The following ADGRA2 variants were observed in gnomAD, a reference collection of about 807,000 sequenced individuals.
ADGRA2 encodes the protein adhesion G protein-coupled receptor A2, also known as G-protein coupled receptor 124.
ADGRA2 carries 61 observed loss-of-function variants against 98.7 expected under a neutral mutation model. That is an observed-to-expected ratio of 0.62 (90% CI 0.50 to 0.76). The LOEUF is 0.76. Among genes scored for constraint, ADGRA2 ranks in the 30% least tolerant of loss-of-function variants. The pLI is 0.00. For synonymous variants in ADGRA2, 858 were observed against 831.5 expected (o/e 1.03, Z -0.55); for missense variants, 1,712 against 1,860.0 (o/e 0.92, Z 1.46).
chr8:37,834,222 G>T lies in ADGRA2; in HGVS notation c.1608+94G>T. 8.5e-7 allele frequency: 1 copy of T among 1,182,472 alleles called. No individual in the cohort carries two copies. Among genetic ancestry groups the T allele is most frequent in the Non-Finnish European group, 1.2e-6 (1 of 847,972 alleles). The allele number at this position is 1,182,472 out of a possible 1,614,324, so 73.2% of individuals were successfully genotyped here. On this transcript the variant is annotated intron_variant, in intron 11 of 18. Coordinates refer to ENST00000412232, the MANE Select transcript of ADGRA2 (RefSeq NM_032777.10). The surrounding 1 kb of genome is among the most constrained non-coding windows in gnomAD (Gnocchi z 4.2). ...ACCTGCCGTGCCCCAGCTAGCAAGA[G>T]CAGCAGACGTGACAAAGTTCTGAGC...
At position 37,835,260 on chromosome 8, in the gene ADGRA2, G is replaced by C; in HGVS notation, c.1695G>C (p.Glu565Asp). Residue 565 changes from glutamate to aspartate, a missense_variant, in exon 12 of 19, where the codon GAG becomes GAC. Physicochemically the swap from Glu to Asp is conservative, Grantham distance 45. Transcript: ENST00000412232. ...CCTGCACAGCCTTCCAGAGGAGGGA[G>C]GGAGGGGTGCCGGGCACACGGCCAG... ...GLTCTAFQRR[E>D]GGVPGTRPGS... The C allele has an allele frequency of 6.2e-7, 1 of 1,613,968 alleles. No homozygotes were observed. Among genetic ancestry groups the C allele is most frequent in the Admixed American group, 1.7e-5 (1 of 60,020 alleles).
chr8:37,817,548 T>C (rs1159897854), intron 2 of ADGRA2, among the ~76,000 whole-genome samples: 1 of 151,462 alleles, frequency 6.6e-6, no homozygotes, highest in African/African-American at 2.4e-5. Flanking sequence ...CTAGAAAAAA[T>C]ATTTTTTTTA....
rs778204254 is a variant in ADGRA2 at position 37,832,995 on chromosome 8, T to C, written c.1098-15T>C. On this transcript the variant is annotated splice_polypyrimidine_tract_variant and intron_variant, in intron 8 of 18. Coordinates refer to ENST00000412232, the MANE Select transcript of ADGRA2 (RefSeq NM_032777.10). ...GAAGCCCGGTTCATCGGCAACTTCC[T>C]GCCTCTCCCCCCAGGTGGCCCCGAA... is the stretch of plus-strand genomic sequence containing the variant. 6 of 1,606,104 alleles carry C rather than the reference T, an allele frequency of 3.7e-6. No individual in the cohort carries two copies. The Admixed American group carries it at 6.7e-5, about 18-fold the overall frequency.
At chr8:37,835,960 G>T (rs986634621) in intron 13 of ADGRA2, among the ~76,000 whole-genome samples, 190 bp downstream of exon 13, 1 of 151,868 alleles carries the variant, frequency 6.6e-6, no homozygotes, top group Non-Finnish European at 1.5e-5. Context: ...GTCTGGAGGA[G>T]AAAAGCCTCA....
chr8:37,818,234 G>T (rs1266141435), intron 2 of ADGRA2, among the ~76,000 whole-genome samples: 1 of 152,126 alleles, frequency 6.6e-6, no homozygotes, highest in Non-Finnish European at 1.5e-5. Flanking sequence ...CCCCTCTCAG[G>T]CTGGCACCTC....
Position 37,797,659 on chromosome 8 carries a change from G to GAACCCA in ADGRA2, c.266+125_266+126insAACCCA. 1 of 967,168 alleles carries GAACCCA rather than the reference G, an allele frequency of 1.0e-6. No homozygotes were observed. Among genetic ancestry groups the GAACCCA allele is most frequent in the Non-Finnish European group, 1.4e-6 (1 of 730,754 alleles). 59.9% of individuals were successfully genotyped at this position (967,168 alleles called of 1,614,324 possible). A position where few individuals can be genotyped will look rare whatever the true frequency, so the allele number is the denominator to read the frequency against. On this transcript the variant is annotated intron_variant, in intron 1 of 18. Transcript: ENST00000412232. The surrounding 1 kb of genome is among the most constrained non-coding windows in gnomAD (Gnocchi z 5.3). ...ACTTCAGAGATTTCTGGACAGGCCT[G>GAACCCA]GGTTCAGGCCCCCAGAGGGGAAGAT...
chr8:37,844,671 G>C lies in ADGRA2; in HGVS notation c.*2316G>C. The stretch of plus-strand genomic sequence containing the variant: ...CCGCTTCGGGGACTTCAACATGCAG[G>C]GTGGCAAGAGAAGGGCAGGACTGGC... On this transcript the variant is annotated 3_prime_UTR_variant, in exon 19 of 19. Transcript: ENST00000412232. 1 of 1,614,092 alleles carries C rather than the reference G, an allele frequency of 6.2e-7. No individual in the cohort carries two copies. Among genetic ancestry groups the C allele is most frequent in the Non-Finnish European group, 8.5e-7 (1 of 1,180,024 alleles).
chr8:37,810,704 G>T (rs2129930381), intron 1 of ADGRA2, among the ~76,000 whole-genome samples: 1 of 152,178 alleles, frequency 6.6e-6, no homozygotes, highest in Admixed American at 6.5e-5. Context: ...TTGCTATGTT[G>T]CCCAGACTGG....
chr8:37,840,333 A>G, intron 17 of ADGRA2, 67 bp downstream of exon 17: 3 of 1,528,414 alleles, frequency 2.0e-6, no homozygotes, highest in Non-Finnish European at 2.7e-6. Context: ...GAAACCTCCC[A>G]AGGTGGGTGA....
chr8:37,835,629 G>A lies in ADGRA2; in HGVS notation c.1909G>A (p.Val637Met). Residue 637 changes from valine (V) to methionine (M), a missense_variant, in exon 13 of 19, where the codon GTG (valine) becomes ATG (methionine). Val to Met is a conservative substitution (Grantham distance 21). Transcript: ENST00000412232. ...SSLPAALAPP[V>M]PPDCTLQLLV... ...CCTTCCGGCTGCCCTGGCTCCCCCG[G>A]TGCCCCCAGACTGCACCCTGCAACT... 6.2e-7 allele frequency: 1 copy of A among 1,613,706 alleles called. No homozygotes were observed. Among genetic ancestry groups the A allele is most frequent in the Non-Finnish European group, 8.5e-7 (1 of 1,179,702 alleles).
chr8:37,824,036 AT>A (rs111928826), intron 2 of ADGRA2, among the ~76,000 whole-genome samples: 40 of 145,966 alleles, frequency 2.7e-4, no homozygotes, highest in South Asian at 2.2e-3. Flanking sequence ...TTAAGATGCA[AT>A]TTTTTTTTTT....
intron 2 of ADGRA2, among the ~76,000 whole-genome samples, chr8:37,816,543 G>C (rs1167791022): frequency 2.0e-5 from 3 of 151,920 alleles, no homozygotes; most frequent in Non-Finnish European, 2.9e-5. Flanking sequence ...AGTAAGCTGA[G>C]ATTGCGCCAC....
intron 1 of ADGRA2, among the ~76,000 whole-genome samples, chr8:37,798,730 C>T (rs1428302870): frequency 6.6e-6 from 1 of 152,258 alleles, no homozygotes; most frequent in Non-Finnish European, 1.5e-5. Context: ...TACAGTAACG[C>T]CTCTGGTTGG....
rs1423153466 is a variant in ADGRA2 at position 37,814,972 on chromosome 8, G to A, written c.338+5G>A. The A allele has an allele frequency of 6.2e-7, 1 of 1,605,686 alleles. No individual in the cohort carries two copies. Among genetic ancestry groups the A allele is most frequent in the Non-Finnish European group, 8.5e-7 (1 of 1,172,410 alleles). On this transcript the variant is annotated splice_donor_5th_base_variant and intron_variant, in intron 2 of 18. Transcript: ENST00000412232. The surrounding 1 kb of genome is among the most constrained non-coding windows in gnomAD (Gnocchi z 4.3). ...ACTGTCACTGCTGGAGAAGCTGTAA[G>A]TGCTGGGGAAGGTGAGGTGGAGGAG...
In ADGRA2 at chr8:37,841,200, G is replaced by A. The variant is rs772508628; in HGVS notation, c.2862G>A (p.Leu954=). The change falls in exon 19 of 19, where the codon CTG becomes CTA. Residue 954 remains leucine, a synonymous_variant. Coordinates refer to ENST00000412232, the MANE Select transcript of ADGRA2 (RefSeq NM_032777.10). The surrounding 1 kb of genome is among the most constrained non-coding windows in gnomAD (Gnocchi z 5.0). Reference sequence around the variant, plus strand: ...CCGGGCTACGCTTACGGGGTCCTCTGGCACAGAACCCCAAGGCGGGCAACA... The same window carrying A: ...CCGGGCTACGCTTACGGGGTCCTCTAGCACAGAACCCCAAGGCGGGCAACA... ...LCAGLRLRGP[L]AQNPKAGNSR... The A allele has an allele frequency of 1.9e-6, 3 of 1,613,556 alleles. No homozygotes were observed. The highest frequency in any genetic ancestry group is 1.6e-4 in the Middle Eastern group (1 of 6,062).
At chr8:37,837,669 G>C in intron 13 of ADGRA2, 62 bp from the exon 14 acceptor site, 1 of 1,399,216 alleles carries the variant, frequency 7.1e-7, no homozygotes, top group African/African-American at 1.4e-5. Flanking sequence ...GCTGAGTCCC[G>C]GCTGAGCCCA....
In ADGRA2 at chr8:37,838,806, G is replaced by C. The variant is rs115505023; in HGVS notation, c.2260-150G>C. The C allele has an allele frequency of 1.4e-3, 1,201 of 859,114 alleles. 11 individuals carry two copies. The African/African-American group carries it at 0.02, about 14-fold the overall frequency. 53.2% of individuals were successfully genotyped at this position (859,114 alleles called of 1,614,324 possible). A position where few individuals can be genotyped will look rare whatever the true frequency, so the allele number is the denominator to read the frequency against. On this transcript the variant is annotated intron_variant, in intron 14 of 18. Transcript: ENST00000412232. ...GCTCCATAGGGCTGGCTTCCTAAGA[G>C]TGGACAGCCCGAAGCTTTCCTCCCT...
intron 18 of ADGRA2, 103 bp from the exon 19 acceptor site, chr8:37,840,983 T>C (rs1287848510): frequency 7.8e-7 from 1 of 1,287,726 alleles, no homozygotes; most frequent in Non-Finnish European, 1.1e-6. Context: ...CAAGCCGTCC[T>C]TGTCTCCGTA....
At chr8:37,800,903 T>C (rs986918325) in intron 1 of ADGRA2, among the ~76,000 whole-genome samples, 1 of 152,186 alleles carries the variant, frequency 6.6e-6, no homozygotes, top group Non-Finnish European at 1.5e-5. Flanking sequence ...ATTTTTGCAT[T>C]TTGGCTTTAT....
Sources: gnomAD v4.1 joint callset for allele counts (sites outside exome capture counted in the v4.1 genomes callset) on GRCh38, gnomAD v4.1.1 for gene constraint, Gnocchi (gnomAD v3.1) non-coding constraint, MANE v1.5 for transcripts, NCBI Gene and HGNC (gene_info 2026-07-23, HGNC 2026-07-21) for gene names.